The following SHISA9 variants were observed in gnomAD, a reference collection of about 807,000 sequenced individuals.
The protein encoded by SHISA9 is shisa family member 9.
SHISA9 carries 13 observed loss-of-function variants against 38.0 expected under a neutral mutation model. The observed-to-expected ratio is 0.34, with a 90% confidence interval of 0.22 to 0.54. The LOEUF (loss-of-function observed/expected upper bound fraction) is 0.54. Ranked by LOEUF, SHISA9 falls within the 20% of genes least tolerant of loss-of-function variation. The pLI is 0.91. For missense variants in SHISA9, 538 were observed against 575.8 expected, an observed-to-expected ratio of 0.93 and a Z score of 0.67; for synonymous variants, 275 against 242.0, an observed-to-expected ratio of 1.14 and a Z score of -1.27.
chr16:12,974,630 C>T (rs1238633112), intron 2 of SHISA9, among the ~76,000 whole-genome samples: 1 of 151,844 alleles, frequency 6.6e-6, no homozygotes, highest in South Asian at 2.1e-4. Flanking sequence ...GGATTACAGG[C>T]ACCCACCACC....
chr16:13,170,802 G>A (rs1232238377), intron 2 of SHISA9, among the ~76,000 whole-genome samples: 1 of 152,060 alleles, frequency 6.6e-6, no homozygotes, highest in African/African-American at 2.4e-5. Context: ...GATTACAGAT[G>A]TGTGCCACCA....
intron 2 of SHISA9, among the ~76,000 whole-genome samples, chr16:13,005,297 C>G (rs572497049): frequency 1.8e-4 from 27 of 152,136 alleles, no homozygotes; most frequent in African/African-American, 5.5e-4. Context: ...AAATTTGAGA[C>G]TTTTGGAGGG....
chr16:13,216,367 T>G (rs1333295695), intron 4 of SHISA9, among the ~76,000 whole-genome samples: 2 of 152,026 alleles, frequency 1.3e-5, no homozygotes, highest in African/African-American at 2.4e-5. Context: ...TAGGTCGTTG[T>G]GAGATAAGGT....
intron 2 of SHISA9, among the ~76,000 whole-genome samples, chr16:12,956,144 TA>T (rs1427213908): frequency 6.6e-6 from 1 of 152,172 alleles, no homozygotes; most frequent in Non-Finnish European, 1.5e-5. Context: ...CAATAAGCAC[TA>T]ATCATTAGAG....
At chr16:13,509,403 C>T in the SHISA9 span, among the ~76,000 whole-genome samples, 4 of 152,154 alleles carry the variant, frequency 2.6e-5, no homozygotes, top group African/African-American at 9.7e-5. Context: ...CATTTCCCAG[C>T]CCTTACTAGA....
At chr16:13,130,019 T>G (rs2050293348) in intron 2 of SHISA9, among the ~76,000 whole-genome samples, 1 of 152,184 alleles carries the variant, frequency 6.6e-6, no homozygotes, top group Non-Finnish European at 1.5e-5. Context: ...ATGCTACCAC[T>G]TAAGTTGAAT....
chr16:13,278,378 T>G, the SHISA9 span, among the ~76,000 whole-genome samples: 11 of 152,084 alleles, frequency 7.2e-5, no homozygotes, highest in Non-Finnish European at 1.5e-4. Flanking sequence ...TGTAGTTTTC[T>G]CCTTTGGTTA....
intron 2 of SHISA9, among the ~76,000 whole-genome samples, chr16:12,993,115 A>C (rs1036819657): frequency 3.9e-5 from 6 of 152,196 alleles, no homozygotes; most frequent in African/African-American, 7.2e-5. Flanking sequence ...GACAAGTTTC[A>C]TGGTAGAGGT....
chr16:13,147,216 T>C (rs2050455082), intron 2 of SHISA9, among the ~76,000 whole-genome samples: 1 of 152,156 alleles, frequency 6.6e-6, no homozygotes, highest in Admixed American at 6.5e-5. Context: ...AATAAGAAAC[T>C]AGCAGGGCCA....
At chr16:13,530,226 G>A in the SHISA9 span, among the ~76,000 whole-genome samples, 3 of 152,178 alleles carry the variant, frequency 2.0e-5, no homozygotes, top group South Asian at 4.1e-4. Flanking sequence ...ACCTGAACCC[G>A]GGAGGCAGAG....
At chr16:13,557,571 C>T in the SHISA9 span, among the ~76,000 whole-genome samples, 2 of 152,146 alleles carry the variant, frequency 1.3e-5, no homozygotes, top group African/African-American at 4.8e-5. Flanking sequence ...CACTGTTTCC[C>T]TGATGGGAGC....
At position 12,917,063 on chromosome 16, in the gene SHISA9, T is replaced by A. The variant is rs145928210; in HGVS notation, c.691+248T>A. On this transcript the variant is annotated intron_variant, in intron 2 of 4. Transcript: ENST00000558583. ...TTGATACTTTTAGCTAGCAGACTGC[T>A]CGACTGGTTCATCTTGATTGATTTA... Among the ~76,000 whole-genome samples the A allele has an allele frequency of 8.5e-5, 13 of 152,364 alleles. No individual in the cohort carries two copies. In the East Asian group the frequency reaches 2.5e-3, roughly 29 times the overall value.
At chr16:13,203,878 TCATC>T (rs960513033) in intron 3 of SHISA9, among the ~76,000 whole-genome samples, 5 of 152,130 alleles carry the variant, frequency 3.3e-5, no homozygotes, top group Admixed American at 6.5e-5. Flanking sequence ...CATCCATCCA[TCATC>T]CATCCATCTA....
At chr16:13,512,429 C>T in the SHISA9 span, among the ~76,000 whole-genome samples, 1 of 152,080 alleles carries the variant, frequency 6.6e-6, no homozygotes, top group African/African-American at 2.4e-5. Flanking sequence ...GCCATACTGC[C>T]CAAATTAATT....
chr16:12,941,634 T>G (rs2071613041), intron 2 of SHISA9, among the ~76,000 whole-genome samples: 1 of 152,230 alleles, frequency 6.6e-6, no homozygotes, highest in African/African-American at 2.4e-5. Flanking sequence ...TGAGGCAGGC[T>G]CACCTGAGGT....
At chr16:13,190,474 ACTC>A (rs946204060) in intron 2 of SHISA9, among the ~76,000 whole-genome samples, 3 of 151,976 alleles carry the variant, frequency 2.0e-5, no homozygotes, top group Non-Finnish European at 4.4e-5. Flanking sequence ...TCAAAATGGA[ACTC>A]CTCCTCTTCT....
At chr16:13,154,052 G>C (rs139999654) in intron 2 of SHISA9, among the ~76,000 whole-genome samples, 229 of 152,216 alleles carry the variant, frequency 1.5e-3, no homozygotes, top group African/African-American at 5.2e-3. Context: ...GATTTTGGCA[G>C]GGAGATAATT....
the SHISA9 span, among the ~76,000 whole-genome samples, chr16:13,376,916 A>G: frequency 6.6e-6 from 1 of 152,146 alleles, no homozygotes; most frequent in Non-Finnish European, 1.5e-5. Flanking sequence ...CACTCAAGTG[A>G]TCCACCCGCC....
At chr16:13,066,257 A>G (rs188879839) in intron 2 of SHISA9, among the ~76,000 whole-genome samples, 2 of 152,332 alleles carry the variant, frequency 1.3e-5, no homozygotes, top group East Asian at 3.9e-4. Context: ...ATGTAGTGTG[A>G]ATCAGAAATG....
Sources: gnomAD v4.1 joint callset for allele counts (sites outside exome capture counted in the v4.1 genomes callset) on GRCh38, gnomAD v4.1.1 for gene constraint, MANE v1.5 for transcripts, NCBI Gene and HGNC (gene_info 2026-07-23, HGNC 2026-07-21) for gene names.